The following EFR3A variants were observed in gnomAD, a reference collection of about 807,000 sequenced individuals.
EFR3A encodes EFR3 homolog A.
Under a neutral mutation model 104.4 loss-of-function variants are expected in EFR3A, and 76 were observed. That is an observed-to-expected ratio of 0.73 (90% CI 0.60 to 0.88). EFR3A has a LOEUF of 0.88. EFR3A is among the 40% of genes least tolerant of loss of function. EFR3A has a pLI of 0.00. For missense variants in EFR3A, 985 were observed against 1,012.5 expected, an observed-to-expected ratio of 0.97 and a Z score of 0.37; for synonymous variants, 330 against 330.0, an observed-to-expected ratio of 1.00 and a Z score of 0.00.
chr8:131,959,586 C>T lies in EFR3A; in HGVS notation c.778C>T (p.His260Tyr). 6.2e-7 allele frequency: 1 copy of T among 1,610,382 alleles called. No homozygotes were observed. The highest frequency in any genetic ancestry group is 8.5e-7 in the Non-Finnish European group (1 of 1,178,600). The change falls in exon 8 of 23, where the codon CAT becomes TAT. Residue 260 changes from histidine (H) to tyrosine (Y), a missense_variant and splice_region_variant. By Grantham distance (83) the His-to-Tyr change is moderately conservative (BLOSUM62 2). Coordinates refer to ENST00000254624, the MANE Select transcript of EFR3A (RefSeq NM_015137.6). ...MNNAVRPVFA[H>Y]LDHHKLWDPN... ...TAAAGTAATTTTTGTTATTTGCAGG[C>T]ATTTAGATCATCACAAACTGTGGGA...
intron 4 of EFR3A, 78 bp downstream of exon 4, chr8:131,946,711 C>T: frequency 2.2e-6 from 3 of 1,359,578 alleles, no homozygotes; most frequent in Non-Finnish European, 1.9e-6. Flanking sequence ...AATGACTTTA[C>T]CTGGTAAAGG....
At chr8:132,003,650 T>C (rs1446437162) in intron 22 of EFR3A, among the ~76,000 whole-genome samples, 2 of 152,362 alleles carry the variant, frequency 1.3e-5, no homozygotes, top group East Asian at 3.9e-4. Flanking sequence ...AACTGCATTT[T>C]AATATGTCAG....
chr8:131,957,348 G>GTTTTTTTT (rs1182295730), intron 7 of EFR3A, among the ~76,000 whole-genome samples: 1 of 142,022 alleles, frequency 7.0e-6, no homozygotes, highest in East Asian at 2.2e-4. Context: ...TAGGGCCAGG[G>GTTTTTTTT]TCTTTTTTTT....
intron 17 of EFR3A, 145 bp from the exon 18 acceptor site, chr8:131,987,430 A>G: frequency 1.1e-6 from 1 of 929,480 alleles, no homozygotes; most frequent in Non-Finnish European, 1.5e-6. Context: ...AGTTGCCTAA[A>G]ATATACTGAT....
intron 8 of EFR3A, among the ~76,000 whole-genome samples, chr8:131,965,908 G>A (rs1001771310): frequency 2.0e-5 from 3 of 152,038 alleles, no homozygotes; most frequent in African/African-American, 4.8e-5. Context: ...CATGTCCTTT[G>A]TAGGGACATG....
intron 19 of EFR3A, among the ~76,000 whole-genome samples, chr8:131,999,498 A>G (rs1051308597): frequency 6.6e-6 from 1 of 152,240 alleles, no homozygotes; most frequent in Non-Finnish European, 1.5e-5. Flanking sequence ...AAAGTCATAG[A>G]TTATAAAGGG....
chr8:131,918,273 C>T (rs1330416789), intron 1 of EFR3A, among the ~76,000 whole-genome samples: 1 of 152,024 alleles, frequency 6.6e-6, no homozygotes, highest in Non-Finnish European at 1.5e-5. Context: ...GGTGACAGAG[C>T]AAGACTCTGT....
At chr8:131,988,171 A>G (rs1249073671) in intron 18 of EFR3A, among the ~76,000 whole-genome samples, 3 of 131,322 alleles carry the variant, frequency 2.3e-5, no homozygotes, top group African/African-American at 5.4e-5. Context: ...TGTGAACTAT[A>G]TATTTTCTCT....
chr8:131,978,820 GTTGT>G (rs759297788), intron 12 of EFR3A, 23 bp from the exon 13 acceptor site: 16 of 1,468,680 alleles, frequency 1.1e-5, no homozygotes, highest in East Asian at 9.9e-5. Context: ...ATGACAAAAG[GTTGT>G]TTGTTTTCTT....
rs767355470 is a variant in EFR3A, at chr8:132,001,798, A to G, written c.2197A>G (p.Lys733Glu). The G allele has an allele frequency of 1.9e-6, 3 of 1,613,332 alleles. No individual in the cohort carries two copies. Among genetic ancestry groups the G allele is most frequent in the Non-Finnish European group, 2.5e-6 (3 of 1,179,430 alleles). Residue 733 changes from lysine to glutamate, a missense_variant, in exon 20 of 23, where the codon AAA becomes GAA. Lys to Glu is a moderately conservative substitution (Grantham distance 56). Coordinates refer to ENST00000254624, the MANE Select transcript of EFR3A (RefSeq NM_015137.6). ...TEEITFEALK[K>E]AIDTSGMEEQ... Reference sequence around the variant, plus strand: ...AGAAATCACTTTTGAAGCATTGAAGAAAGCAATTGGTGAGATATTTTGCAC... The same window carrying G: ...AGAAATCACTTTTGAAGCATTGAAGGAAGCAATTGGTGAGATATTTTGCAC...
chr8:131,965,556 AAAC>A (rs2130678164), intron 8 of EFR3A, among the ~76,000 whole-genome samples: 1 of 152,296 alleles, frequency 6.6e-6, no homozygotes, highest in Non-Finnish European at 1.5e-5. Flanking sequence ...AAAAGTCAGG[AAAC>A]AACAGGTGCT....
Position 132,010,994 on chromosome 8 carries a change from G to A in EFR3A, c.*99G>A, listed in dbSNP as rs1343875722. On this transcript the variant is annotated 3_prime_UTR_variant, in exon 23 of 23. Transcript: ENST00000254624. ...CTTAATGTGTATTAACATACTTCTTGAAAATAATGATGGAACATATCTTTA... is the reference window on the plus strand; with the variant it reads ...CTTAATGTGTATTAACATACTTCTTAAAAATAATGATGGAACATATCTTTA... 7.4e-7 allele frequency: 1 copy of A among 1,342,658 alleles called. No homozygotes were observed. The highest frequency in any genetic ancestry group is 1.4e-5 in the African/African-American group (1 of 69,208). 83.2% of individuals were successfully genotyped at this position (1,342,658 alleles called of 1,614,324 possible).
intron 1 of EFR3A, among the ~76,000 whole-genome samples, chr8:131,905,697 C>T (rs1375896392): frequency 2.0e-5 from 3 of 152,154 alleles, no homozygotes; most frequent in African/African-American, 7.2e-5. Flanking sequence ...TTGTTATTGC[C>T]AGTTTAGTAC....
chr8:132,003,164 A>C (rs1821870566), intron 21 of EFR3A, 72 bp from the exon 22 acceptor site: 26 of 1,186,912 alleles, frequency 2.2e-5, no homozygotes, highest in Non-Finnish European at 3.2e-5. Context: ...TTGTCTCTTA[A>C]GTTACATTGA....
intron 18 of EFR3A, 35 bp downstream of exon 18, chr8:131,987,737 GA>G: frequency 1.9e-6 from 3 of 1,548,240 alleles, no homozygotes; most frequent in Non-Finnish European, 2.6e-6. Context: ...TCACTCTGGT[GA>G]TTGCTTATGT....
intron 18 of EFR3A, among the ~76,000 whole-genome samples, chr8:131,989,715 T>C (rs866281617): frequency 7.2e-5 from 11 of 152,268 alleles, no homozygotes; most frequent in South Asian, 4.1e-4. Context: ...GTTATAACTT[T>C]CAAAGGGTAG....
chr8:131,955,733 T>C (rs1254163612), intron 6 of EFR3A, 35 bp from the exon 7 acceptor site: 6 of 1,584,798 alleles, frequency 3.8e-6, no homozygotes, highest in Non-Finnish European at 5.1e-6. Flanking sequence ...ATATTAAAAT[T>C]CTTGTGTTTT....
chr8:131,910,908 A>G (rs770398224), intron 1 of EFR3A, among the ~76,000 whole-genome samples: 1 of 152,176 alleles, frequency 6.6e-6, no homozygotes, highest in Non-Finnish European at 1.5e-5. Flanking sequence ...TCTCAGAAAT[A>G]AAGAGAAGGG....
At chr8:132,004,190 T>C (rs1041452963) in intron 22 of EFR3A, among the ~76,000 whole-genome samples, 1 of 152,156 alleles carries the variant, frequency 6.6e-6, no homozygotes, top group Admixed American at 6.5e-5. Flanking sequence ...GAATCACTCA[T>C]TTACAAAATT....
Sources: allele counts gnomAD v4.1 joint callset (sites outside exome capture counted in the v4.1 genomes callset), GRCh38; gene constraint gnomAD v4.1.1; transcripts MANE v1.5; gene names NCBI Gene and HGNC (gene_info 2026-07-23, HGNC 2026-07-21).